The following BTBD9 variants were observed in gnomAD, a reference collection of about 807,000 sequenced individuals.
The protein encoded by BTBD9 is BTB domain containing 9.
A neutral mutation model predicts 64.3 loss-of-function variants in BTBD9; 49 were observed. The observed-to-expected ratio is 0.76, with a 90% CI of 0.61 to 0.97. The LOEUF (loss-of-function observed/expected upper bound fraction) is 0.97. Among genes scored for constraint, BTBD9 ranks in the 50% least tolerant of loss-of-function variants. The pLI is 0.00. For missense variants in BTBD9, 598 were observed against 762.1 expected (o/e 0.78, Z 2.53); for synonymous variants, 260 against 274.7 (o/e 0.95, Z 0.53).
chr6:38,247,927 G>A (rs1189729019), intron 9 of BTBD9, among the ~76,000 whole-genome samples: 1 of 151,170 alleles, frequency 6.6e-6, no homozygotes, highest in Non-Finnish European at 1.5e-5. Flanking sequence ...TATGGCTCTA[G>A]CAAAAAAAAA....
intron 10 of BTBD9, among the ~76,000 whole-genome samples, chr6:38,177,457 G>T (rs149064951): frequency 2.0e-5 from 3 of 152,232 alleles, no homozygotes; most frequent in African/African-American, 7.2e-5. Context: ...AGGCTTAGTC[G>T]TCCTTCTACC....
intron 6 of BTBD9, among the ~76,000 whole-genome samples, chr6:38,494,389 C>G (rs984563751): frequency 5.9e-5 from 9 of 152,148 alleles, no homozygotes; most frequent in Non-Finnish European, 1.3e-4. Flanking sequence ...AAAAAGAAAT[C>G]AAAGCGAAAC....
At chr6:38,498,035 G>A (rs1219531930) in intron 6 of BTBD9, among the ~76,000 whole-genome samples, 1 of 152,140 alleles carries the variant, frequency 6.6e-6, no homozygotes, top group African/African-American at 2.4e-5. Context: ...AATCTTGTTG[G>A]CTTTATGGAA....
chr6:38,596,490 A>G (rs1388358229), intron 2 of BTBD9, among the ~76,000 whole-genome samples: 1 of 152,214 alleles, frequency 6.6e-6, no homozygotes, highest in African/African-American at 2.4e-5. Flanking sequence ...CAGGCTGAGA[A>G]GTTCTGACTT....
chr6:38,299,825 G>A (rs1177783139), intron 7 of BTBD9, among the ~76,000 whole-genome samples: 3 of 152,094 alleles, frequency 2.0e-5, no homozygotes, highest in Non-Finnish European at 4.4e-5. Flanking sequence ...CACTCTGATG[G>A]TAGTTTCTTT....
chr6:38,224,055 A>G (rs936056693), intron 9 of BTBD9, among the ~76,000 whole-genome samples: 1 of 152,150 alleles, frequency 6.6e-6, no homozygotes, highest in African/African-American at 2.4e-5. Context: ...TCTACTAAAA[A>G]TACAAAAATT....
At chr6:38,447,255 T>C (rs963760672) in intron 6 of BTBD9, among the ~76,000 whole-genome samples, 1 of 152,156 alleles carries the variant, frequency 6.6e-6, no homozygotes, top group African/African-American at 2.4e-5. Flanking sequence ...GGCCCATCCA[T>C]TAGAGATACA....
At chr6:38,380,214 C>A (rs755922782) in intron 6 of BTBD9, among the ~76,000 whole-genome samples, 6 of 151,996 alleles carry the variant, frequency 3.9e-5, no homozygotes, top group Non-Finnish European at 7.4e-5. Flanking sequence ...ATAGAACTTT[C>A]ATAATTTCAA....
chr6:38,504,734 G>A (rs1378733327), intron 6 of BTBD9, among the ~76,000 whole-genome samples: 3 of 152,166 alleles, frequency 2.0e-5, no homozygotes, highest in African/African-American at 7.2e-5. Context: ...AGAGAAACAT[G>A]AATGTTTATT....
rs759115051 is a variant in BTBD9 at position 38,598,051 on chromosome 6, T to C, written c.44A>G (p.Glu15Gly). ...AGACAAAATGTGCACATGATCAATT[T>C]CCCCCACTGCAGTAAAGGGGCGAAG... ...HPLRPFTAVG[E>G]IDHVHILSEH... is the part of the protein sequence containing the mutation. The change falls in exon 2 of 11, where the codon GAA becomes GGA. Residue 15 changes from glutamate (E) to glycine (G), a missense_variant. By Grantham distance (98) the Glu-to-Gly change is moderately conservative. Transcript: ENST00000481247. The C allele has an allele frequency of 1.9e-6, 3 of 1,613,754 alleles. No homozygotes were observed. Among genetic ancestry groups the C allele is most frequent in the Non-Finnish European group, 2.5e-6 (3 of 1,179,860 alleles).
chr6:38,587,786 C>A, intron 4 of BTBD9: 2 of 711,606 alleles, frequency 2.8e-6, no homozygotes, highest in South Asian at 1.4e-5. Context: ...TCTTCGGATT[C>A]TTCTGGAAAA....
intron 6 of BTBD9, among the ~76,000 whole-genome samples, chr6:38,515,241 C>T (rs1332037985): frequency 1.3e-5 from 2 of 152,198 alleles, no homozygotes; most frequent in African/African-American, 4.8e-5. Flanking sequence ...ATTCCTCCCA[C>T]CTACTCTTAA....
chr6:38,209,784 C>T (rs900842001), intron 9 of BTBD9, among the ~76,000 whole-genome samples: 2 of 152,244 alleles, frequency 1.3e-5, no homozygotes, highest in Non-Finnish European at 2.9e-5. Flanking sequence ...TGCCTGACTT[C>T]CTTCCTGGGA....
At chr6:38,202,366 C>T (rs1165362960) in intron 9 of BTBD9, among the ~76,000 whole-genome samples, 2 of 151,664 alleles carry the variant, frequency 1.3e-5, no homozygotes, top group East Asian at 3.9e-4. Context: ...CACACGTGAG[C>T]CACTGCACCC....
chr6:38,424,119 T>C (rs1445246964), intron 6 of BTBD9, among the ~76,000 whole-genome samples: 3 of 152,068 alleles, frequency 2.0e-5, no homozygotes, highest in African/African-American at 7.3e-5. Context: ...TACTCATTCA[T>C]TGACTAATGA....
intron 9 of BTBD9, among the ~76,000 whole-genome samples, chr6:38,240,289 A>G (rs1229777672): frequency 1.3e-5 from 2 of 152,212 alleles, no homozygotes; most frequent in Admixed American, 1.3e-4. Context: ...AAATGCCTCT[A>G]TTTGCATTGG....
chr6:38,401,615 G>A (rs530680060), intron 6 of BTBD9, among the ~76,000 whole-genome samples: 1 of 152,292 alleles, frequency 6.6e-6, no homozygotes, highest in African/African-American at 2.4e-5. Flanking sequence ...GAGACCTGGA[G>A]AATATTTCCA....
intron 6 of BTBD9, among the ~76,000 whole-genome samples, chr6:38,451,874 T>C (rs1769571427): frequency 6.6e-6 from 1 of 152,158 alleles, no homozygotes. Context: ...AAATACTGTC[T>C]GTAGTGTACT....
Position 38,172,144 on chromosome 6 carries a change from G to A in BTBD9, c.*2841C>T, listed in dbSNP as rs1041383146. 1.3e-5 allele frequency: 2 copies of A among 152,418 alleles called. No homozygotes were observed. Among genetic ancestry groups the A allele is most frequent in the African/African-American group, 4.8e-5 (2 of 41,464 alleles). The allele number at this position is 152,418 out of a possible 1,614,324, so 9.4% of individuals were successfully genotyped here. ...TCTCCCCGACCAGGGGCTTGGCCAT[G>A]TCTCCTTCACAACCCCCGCTCCCCA... On this transcript the variant is annotated 3_prime_UTR_variant, in exon 11 of 11. Coordinates refer to ENST00000481247, the MANE Select transcript of BTBD9 (RefSeq NM_001099272.2).
Sources: allele counts gnomAD v4.1 joint callset (sites outside exome capture counted in the v4.1 genomes callset), GRCh38; gene constraint gnomAD v4.1.1; transcripts MANE v1.5; gene names NCBI Gene and HGNC (gene_info 2026-07-23, HGNC 2026-07-21).